Variants in AZIN1 observed in about 807,000 individuals in gnomAD.
The protein encoded by AZIN1 is antizyme inhibitor 1.
Under a neutral mutation model 47.4 loss-of-function variants are expected in AZIN1, and 12 were observed. That is an observed-to-expected ratio of 0.25 (90% CI 0.16 to 0.41). AZIN1 has a LOEUF of 0.41. AZIN1 is among the 10% of genes least tolerant of loss of function. The probability of loss-of-function intolerance (pLI) is 1.00; values close to 1 mark genes in which losing one functional copy is unlikely to be tolerated. For synonymous variants in AZIN1, 155 were observed against 176.3 expected (o/e 0.88, Z 0.96); for missense variants, 410 against 532.4 (o/e 0.77, Z 2.26).
chr8:102,847,971 C>G (rs990906538), intron 2 of AZIN1, among the ~76,000 whole-genome samples: 10 of 152,296 alleles, frequency 6.6e-5, no homozygotes, highest in Middle Eastern at 3.4e-3. Context: ...TGCATAACAA[C>G]ATTTTTAATA....
intron 2 of AZIN1, chr8:102,856,108 T>TC (rs1180132019): frequency 4.0e-5 from 6 of 150,662 alleles, no homozygotes; most frequent in South Asian, 2.1e-4. Flanking sequence ...TTTTTTTTTT[T>TC]CCCAAATCAG....
intron 2 of AZIN1, among the ~76,000 whole-genome samples, chr8:102,854,268 C>G (rs1361330105): frequency 6.6e-6 from 1 of 151,970 alleles, no homozygotes; most frequent in African/African-American, 2.4e-5. Flanking sequence ...TGATAACTTA[C>G]AGTGAAACAT....
In AZIN1 at chr8:102,836,460, T is replaced by C. The variant is rs1811828796; in HGVS notation, c.450-70A>G. 5 of 1,510,364 alleles carry C rather than the reference T, an allele frequency of 3.3e-6. No individual in the cohort carries two copies. In the South Asian group the frequency reaches 3.6e-5, roughly 11 times the overall value. The allele number at this position is 1,510,364 out of a possible 1,614,324, so 93.6% of individuals were successfully genotyped here. A position where few individuals can be genotyped will look rare whatever the true frequency, so the allele number is the denominator to read the frequency against. The stretch of plus-strand genomic sequence containing the variant: ...CATCAGCACATGTGAAGCCTGAAGA[T>C]TGTAGGAAGTGTGTTGATTATGTTG... On this transcript the variant is annotated intron_variant, in intron 5 of 11. Transcript: ENST00000337198.
intron 5 of AZIN1, among the ~76,000 whole-genome samples, chr8:102,838,098 A>T (rs1479744443): frequency 6.6e-6 from 1 of 151,988 alleles, no homozygotes; most frequent in Non-Finnish European, 1.5e-5. Context: ...CTTGACCTTA[A>T]ATGATCCACC....
At chr8:102,839,608 T>C (rs755814991) in intron 4 of AZIN1, 42 bp downstream of exon 4, 1 of 1,384,904 alleles carries the variant, frequency 7.2e-7, no homozygotes, top group East Asian at 2.5e-5. Flanking sequence ...TAAGTTAAAT[T>C]ATTCAATGTT....
intron 1 of AZIN1, among the ~76,000 whole-genome samples, chr8:102,861,167 G>GT (rs1473166570): frequency 1.3e-5 from 2 of 152,206 alleles, no homozygotes; most frequent in Non-Finnish European, 2.9e-5. Flanking sequence ...TGAAGAAACT[G>GT]TATCTTTGTG....
intron 2 of AZIN1, among the ~76,000 whole-genome samples, chr8:102,856,592 A>G (rs886997907): frequency 1.3e-5 from 2 of 152,240 alleles, no homozygotes; most frequent in African/African-American, 2.4e-5. Context: ...GAATTAAAAG[A>G]AGGATTATCT....
chr8:102,845,062 CCATTGACCAGCTGT>C (rs1206714359), intron 2 of AZIN1, among the ~76,000 whole-genome samples: 2 of 152,142 alleles, frequency 1.3e-5, no homozygotes, highest in Non-Finnish European at 2.9e-5. Flanking sequence ...TTAATAATGG[CCATTGACCAGCTGT>C]CTGGGCAGCC....
chr8:102,843,370 T>C (rs1252222322), intron 3 of AZIN1, among the ~76,000 whole-genome samples, 181 bp downstream of exon 3: 2 of 151,962 alleles, frequency 1.3e-5, no homozygotes, highest in African/African-American at 4.8e-5. Flanking sequence ...TAAAATAATG[T>C]GGATTGGAAA....
At chr8:102,845,606 G>A (rs1812520332) in intron 2 of AZIN1, among the ~76,000 whole-genome samples, 2 of 152,056 alleles carry the variant, frequency 1.3e-5, no homozygotes, top group East Asian at 3.9e-4. Flanking sequence ...ACCAATTTTG[G>A]GGGGATATTC....
chr8:102,839,737 C>A lies in AZIN1; in HGVS notation c.189G>T (p.Lys63Asn), dbSNP rs1812057305. Reference protein sequence around the residue: ...SQWQNVVAQIKPFYTVKCNSA... With the variant: ...SQWQNVVAQINPFYTVKCNSA... ...AGTTGCACTTCACTGTGTAGAATGG[C>A]TTTATCTGAGCCACTACATTCTGCC... The change falls in exon 4 of 12, where the codon AAG (lysine) becomes AAT (asparagine). Residue 63 changes from lysine to asparagine, a missense_variant. Physicochemically the swap from Lys to Asn is moderately conservative, Grantham distance 94. Coordinates refer to ENST00000337198, the MANE Select transcript of AZIN1 (RefSeq NM_148174.4). 2 of 1,610,064 alleles carry A rather than the reference C, an allele frequency of 1.2e-6. No homozygotes were observed. The highest frequency in any genetic ancestry group is 2.2e-5 in the South Asian group (2 of 90,118).
At chr8:102,834,343 G>A (rs1047448410) in intron 7 of AZIN1, 80 bp from the exon 8 acceptor site, 1 of 1,169,890 alleles carries the variant, frequency 8.5e-7, no homozygotes, top group Admixed American at 1.9e-5. Flanking sequence ...CCCTCCTAGG[G>A]AGGTAAATAT....
intron 2 of AZIN1, among the ~76,000 whole-genome samples, chr8:102,857,203 AATGTTTGCT>A (rs1813348370): frequency 6.6e-6 from 1 of 152,208 alleles, no homozygotes; most frequent in East Asian, 1.9e-4. Flanking sequence ...ATTAACATCA[AATGTTTGCT>A]TAGAGCAAAC....
At chr8:102,857,970 T>C (rs1813399026) in intron 2 of AZIN1, 43 bp downstream of exon 2, 1 of 398,850 alleles carries the variant, frequency 2.5e-6, no homozygotes, top group Non-Finnish European at 4.4e-6. Context: ...CTTCCTTCGA[T>C]TTTAAAGACC....
chr8:102,846,228 T>G (rs931328607), intron 2 of AZIN1, among the ~76,000 whole-genome samples: 2 of 152,190 alleles, frequency 1.3e-5, no homozygotes, highest in Non-Finnish European at 2.9e-5. Flanking sequence ...CCTTTAACAG[T>G]CAGGATCCTC....
At chr8:102,852,687 A>G (rs961211867) in intron 2 of AZIN1, among the ~76,000 whole-genome samples, 1 of 152,230 alleles carries the variant, frequency 6.6e-6, no homozygotes, top group African/African-American at 2.4e-5. Flanking sequence ...GTTGAACCTG[A>G]CTATCCTAAT....
intron 1 of AZIN1, among the ~76,000 whole-genome samples, chr8:102,862,921 A>G (rs1223843984): frequency 6.6e-6 from 1 of 152,146 alleles, no homozygotes; most frequent in African/African-American, 2.4e-5. Flanking sequence ...ACCACCACCA[A>G]CTGTTGGCAG....
At position 102,845,260 on chromosome 8, in the gene AZIN1, T is replaced by C. The variant is rs932190298; in HGVS notation, c.-95-1513A>G. ...CAGCATTTTGGCTGCACCAAAACAG[T>C]CCTTAATAAGCTGTATTAGTCAAAT... On this transcript the variant is annotated intron_variant, in intron 2 of 11. Transcript: ENST00000337198. Among the ~76,000 whole-genome samples the C allele has an allele frequency of 8.5e-5, 13 of 152,186 alleles. No homozygotes were observed. The East Asian group carries it at 2.1e-3, about 25-fold the overall frequency.
At chr8:102,850,520 G>C (rs535364175) in intron 2 of AZIN1, among the ~76,000 whole-genome samples, 11 of 152,278 alleles carry the variant, frequency 7.2e-5, no homozygotes, top group African/African-American at 2.4e-4. Flanking sequence ...ATAGATGTGA[G>C]ACCTTGAGTA....
Sources: gnomAD v4.1 joint callset for allele counts (sites outside exome capture counted in the v4.1 genomes callset) on GRCh38, gnomAD v4.1.1 for gene constraint, MANE v1.5 for transcripts, NCBI Gene and HGNC (gene_info 2026-07-23, HGNC 2026-07-21) for gene names.